DHX35: variants seen among roughly 807,000 people sequenced by gnomAD.
The protein encoded by DHX35 is probable ATP-dependent RNA helicase DHX35.
In DHX35, 84 loss-of-function variants were observed where a neutral mutation model predicts 99.6. The ratio of observed to expected loss-of-function variants is 0.84; its 90% confidence interval spans 0.71 to 1.01. The LOEUF (loss-of-function observed/expected upper bound fraction) is 1.01, where lower values mean the gene tolerates loss of function less well. Ranked by LOEUF, DHX35 falls within the 50% of genes least tolerant of loss-of-function variation. DHX35 has a pLI of 0.00. For synonymous variants in DHX35, 331 were observed against 316.2 expected (o/e 1.05, Z -0.50); for missense variants, 852 against 888.5 (o/e 0.96, Z 0.52).
chr20:39,001,037 T>G (rs2086511678), intron 8 of DHX35, among the ~76,000 whole-genome samples: 3 of 152,186 alleles, frequency 2.0e-5, no homozygotes, highest in Admixed American at 2.0e-4. Flanking sequence ...GGTCTCCTTG[T>G]GGGCTGCAAG....
At position 39,025,247 on chromosome 20, in the gene DHX35, A is replaced by G. The variant is rs2145936602; in HGVS notation, c.1689A>G (p.Lys563=). The G allele has an allele frequency of 1.2e-6, 2 of 1,612,914 alleles. No individual in the cohort carries two copies. The highest frequency in any genetic ancestry group is 2.2e-5 in the East Asian group (1 of 44,860). The change falls in exon 18 of 22, where the codon AAA becomes AAG. Residue 563 remains lysine (K), a synonymous_variant. Transcript: ENST00000252011. ...TTCTGTAGCACAATAAGGACTCTAA[A>G]TGGTGTCAGGAACATTTCCTGAATT... ...EAFIKHNKDS[K]WCQEHFLNYK...
At chr20:39,023,866 C>A in intron 17 of DHX35, 99 bp downstream of exon 17, 1 of 955,724 alleles carries the variant, frequency 1.0e-6, no homozygotes. Flanking sequence ...AAAGGAATGT[C>A]CAAGAGAGCC....
At chr20:38,981,400 A>G (rs2086170195) in intron 3 of DHX35, among the ~76,000 whole-genome samples, 1 of 152,150 alleles carries the variant, frequency 6.6e-6, no homozygotes, top group African/African-American at 2.4e-5. Context: ...GCGTGTATCA[A>G]TATGGATTCA....
At chr20:39,018,966 C>A in intron 15 of DHX35, 67 bp downstream of exon 15, 1 of 1,443,550 alleles carries the variant, frequency 6.9e-7, no homozygotes, top group Non-Finnish European at 9.7e-7. Flanking sequence ...TGCCTGAATT[C>A]TGAGCACCCT....
At chr20:39,028,683 T>C (rs541030254) in intron 19 of DHX35, among the ~76,000 whole-genome samples, 184 bp downstream of exon 19, 1 of 152,346 alleles carries the variant, frequency 6.6e-6, no homozygotes, top group African/African-American at 2.4e-5. Flanking sequence ...TTTCTAAAAA[T>C]GATTCTCACA....
intron 7 of DHX35, among the ~76,000 whole-genome samples, chr20:38,993,702 A>G (rs2086377700): frequency 1.7e-5 from 2 of 116,458 alleles, no homozygotes; most frequent in Admixed American, 8.9e-5. Context: ...TTTTTTTTTC[A>G]CGTTGGCTAT....
chr20:38,972,541 T>C lies in DHX35; in HGVS notation c.175-18T>C. ...AGACAATGTATGGCTATTTGCAAGG[T>C]GTGTTATTCTTTTTCAGCTTAGGAA... On this transcript the variant is annotated intron_variant, in intron 2 of 21. Coordinates refer to ENST00000252011, the MANE Select transcript of DHX35 (RefSeq NM_021931.4). The C allele has an allele frequency of 6.7e-7, 1 of 1,498,938 alleles. No individual in the cohort carries two copies. Among genetic ancestry groups the C allele is most frequent in the Non-Finnish European group, 9.3e-7 (1 of 1,077,270 alleles). The allele number at this position is 1,498,938 out of a possible 1,614,324, so 92.9% of individuals were successfully genotyped here. A position where few individuals can be genotyped will look rare whatever the true frequency, so the allele number is the denominator to read the frequency against.
chr20:39,036,945 G>C lies in DHX35; in HGVS notation c.2068-1554G>C, dbSNP rs59033285. The stretch of plus-strand genomic sequence containing the variant: ...GGTAGATGTTCCTTTACTGAACACA[G>C]TGCAGCACCTCACAACCTTCCACAG... On this transcript the variant is annotated intron_variant, in intron 21 of 21. Transcript: ENST00000252011. Among the ~76,000 whole-genome samples, 1,295 of 152,238 alleles carry C rather than the reference G, an allele frequency of 8.5e-3. 19 individuals are homozygous for C. Among genetic ancestry groups the C allele is most frequent in the African/African-American group, 0.03 (1,234 of 41,524 alleles).
At chr20:38,997,076 T>TTA (rs1257301686) in intron 8 of DHX35, among the ~76,000 whole-genome samples, 7 of 151,266 alleles carry the variant, frequency 4.6e-5, no homozygotes, top group Non-Finnish European at 1.0e-4. Context: ...ATTTATTTAT[T>TTA]TATTTATTTT....
chr20:39,003,013 T>A (rs2086546957), intron 10 of DHX35, 145 bp downstream of exon 10: 1 of 714,388 alleles, frequency 1.4e-6, no homozygotes, highest in Non-Finnish European at 2.3e-6. Context: ...TGATTTGATG[T>A]CATTCATCTA....
chr20:39,030,558 A>G, intron 19 of DHX35, 146 bp from the exon 20 acceptor site: 1 of 689,970 alleles, frequency 1.4e-6, no homozygotes, highest in Non-Finnish European at 2.4e-6. Flanking sequence ...GGATCAAGAA[A>G]GGTTGCAAGA....
At chr20:38,972,465 T>A in intron 2 of DHX35, 94 bp from the exon 3 acceptor site, 1 of 792,998 alleles carries the variant, frequency 1.3e-6, no homozygotes, top group Non-Finnish European at 2.1e-6. Context: ...TCACTTTCCT[T>A]TGAAAACAGC....
At chr20:39,017,587 A>G (rs2086806934) in intron 14 of DHX35, among the ~76,000 whole-genome samples, 1 of 152,186 alleles carries the variant, frequency 6.6e-6, no homozygotes, top group Non-Finnish European at 1.5e-5. Flanking sequence ...TTTGATTTCA[A>G]GCTGAATTAC....
intron 3 of DHX35, chr20:38,978,013 C>A: frequency 1.4e-6 from 1 of 716,566 alleles, no homozygotes; most frequent in Non-Finnish European, 2.6e-6. Flanking sequence ...TCCAGATATA[C>A]TTAAGAATTT....
In DHX35 at chr20:38,969,082, T is replaced by G; in HGVS notation, c.42T>G (p.Gly14=). 6.2e-7 allele frequency: 1 copy of G among 1,603,074 alleles called. No individual in the cohort carries two copies. The change falls in exon 2 of 22, where the codon GGT becomes GGG. Residue 14 remains glycine (G), a splice_region_variant and synonymous_variant. Coordinates refer to ENST00000252011, the MANE Select transcript of DHX35 (RefSeq NM_021931.4). ...PVGPVKFWRP[G]TEGPGVSISE... is the part of the protein sequence containing the mutation. ...GAAAAAAAAACATTTCTGCTGCAGG[T>G]ACAGAGGGGCCAGGTGTAAGCATCT... is the stretch of plus-strand genomic sequence containing the variant.
At chr20:39,030,850 T>C in intron 20 of DHX35, 75 bp downstream of exon 20, 2 of 1,502,976 alleles carry the variant, frequency 1.3e-6, no homozygotes, top group East Asian at 4.5e-5. Flanking sequence ...TGTACATGTT[T>C]CTTGACATCG....
intron 21 of DHX35, among the ~76,000 whole-genome samples, chr20:39,035,430 A>T (rs1404270838): frequency 1.3e-5 from 2 of 152,210 alleles, no homozygotes; most frequent in Admixed American, 1.3e-4. Flanking sequence ...CTTGCTTTAC[A>T]TATTTTGCCC....
At chr20:39,014,651 T>G (rs975892423) in intron 13 of DHX35, among the ~76,000 whole-genome samples, 3 of 151,950 alleles carry the variant, frequency 2.0e-5, no homozygotes, top group African/African-American at 7.3e-5. Context: ...AGGGAGCACT[T>G]CAAAGGGAAA....
chr20:39,030,261 G>T (rs1209620953), intron 19 of DHX35: 1 of 159,434 alleles, frequency 6.3e-6, no homozygotes, highest in African/African-American at 2.4e-5. Context: ...TTACAGGCAT[G>T]AGCCACCATG....
Sources: gnomAD v4.1 joint callset for allele counts (sites outside exome capture counted in the v4.1 genomes callset) on GRCh38, gnomAD v4.1.1 for gene constraint, MANE v1.5 for transcripts, NCBI Gene and HGNC (gene_info 2026-07-23, HGNC 2026-07-21) for gene names.